Variants in FANCE observed in about 807,000 individuals in gnomAD.
FANCE encodes the protein FA complementation group E.
A neutral mutation model predicts 57.8 loss-of-function variants in FANCE; 42 were observed. The ratio of observed to expected loss-of-function variants is 0.73; its 90% CI spans 0.57 to 0.94. FANCE has a LOEUF of 0.94. Ranked by LOEUF, FANCE falls within the 40% of genes least tolerant of loss-of-function variation. The pLI, the probability that FANCE is intolerant of heterozygous loss-of-function variation, is 0.00. For missense variants in FANCE, 608 were observed against 661.8 expected, an observed-to-expected ratio of 0.92 and a Z score of 0.89; for synonymous variants, 251 against 286.4, an observed-to-expected ratio of 0.88 and a Z score of 1.25.
intron 4 of FANCE, 120 bp downstream of exon 4, chr6:35,458,104 C>G (rs1393814663): frequency 2.4e-6 from 3 of 1,247,690 alleles, no homozygotes; most frequent in Non-Finnish European, 3.5e-6. Flanking sequence ...GTTGTTTTCT[C>G]TCTCAGCGAT....
intron 5 of FANCE, among the ~76,000 whole-genome samples, chr6:35,458,724 C>A (rs1017093893): frequency 2.0e-5 from 3 of 151,796 alleles, no homozygotes; most frequent in Admixed American, 2.0e-4. Context: ...GCCTCAGCCT[C>A]CTGAGTAGCT....
At chr6:35,463,596 T>C (rs947668412) in intron 9 of FANCE, among the ~76,000 whole-genome samples, 1 of 151,332 alleles carries the variant, frequency 6.6e-6, no homozygotes, top group Non-Finnish European at 1.5e-5. Context: ...GCAAAGGGCA[T>C]TTGGTGGCAA....
chr6:35,462,747 A>T (rs1339318933), intron 8 of FANCE, 42 bp from the exon 9 acceptor site: 6 of 1,613,408 alleles, frequency 3.7e-6, no homozygotes, highest in Non-Finnish European at 5.1e-6. Context: ...GAAGAGCCCA[A>T]GCCTTTCTTG....
intron 1 of FANCE, 115 bp from the exon 2 acceptor site, chr6:35,455,632 A>G: frequency 7.9e-7 from 1 of 1,272,542 alleles, no homozygotes; most frequent in Non-Finnish European, 1.1e-6. Flanking sequence ...ACTCTTGCAG[A>G]TACTGCGTGC....
intron 1 of FANCE, among the ~76,000 whole-genome samples, chr6:35,454,206 C>T (rs1218879888): frequency 2.0e-5 from 3 of 151,992 alleles, no homozygotes; most frequent in Non-Finnish European, 4.4e-5. Context: ...GGACTACAGG[C>T]GCGTGCCAAC....
At chr6:35,463,784 C>T (rs2150902801) in intron 9 of FANCE, among the ~76,000 whole-genome samples, 1 of 151,960 alleles carries the variant, frequency 6.6e-6, no homozygotes, top group South Asian at 2.1e-4. Context: ...GCCTCAGCCT[C>T]CCGAGTAGCT....
chr6:35,452,819 G>A (rs1240152446), intron 1 of FANCE, 26 bp downstream of exon 1: 3 of 1,300,126 alleles, frequency 2.3e-6, no homozygotes, highest in Non-Finnish European at 2.9e-6. Context: ...CGGCCCCTTA[G>A]CAGGTATGGG....
At position 35,459,693 on chromosome 6, in the gene FANCE, A is replaced by C; in HGVS notation, c.1249A>C (p.Thr417Pro). ...TGTCCTCTACCCAGGTCCTGCTCAA[A>C]CAGAGTTACTGTGTTGCCTTGTGAA... ...LQAPGTGPAQ[T>P]ELLCCLVKME... The change falls in exon 7 of 10, where the codon ACA (threonine) becomes CCA (proline). Residue 417 changes from threonine to proline, a missense_variant. Thr to Pro is a conservative substitution (Grantham distance 38). Coordinates refer to ENST00000229769, the MANE Select transcript of FANCE (RefSeq NM_021922.3). 9 of 1,614,008 alleles carry C rather than the reference A, an allele frequency of 5.6e-6. No individual in the cohort carries two copies. Among genetic ancestry groups the C allele is most frequent in the Non-Finnish European group, 7.6e-6 (9 of 1,179,966 alleles).
rs45556833 is a variant in FANCE, at chr6:35,460,104, C to T, written c.1316+344C>T. 2.3e-3 allele frequency among the ~76,000 whole-genome samples: 309 copies of T among 134,706 alleles called. 2 individuals carry two copies. The highest frequency in any genetic ancestry group is 8.5e-3 in the African/African-American group (295 of 34,698). The allele number at this position is 134,706 out of a possible 152,430, so 88.4% of individuals were successfully genotyped here. ...CCAGCATCAAGAAGGCTCTGACTACCCATTTTTTTTTGGCGGGGGGTGGGG... is the reference window on the plus strand; with the variant it reads ...CCAGCATCAAGAAGGCTCTGACTACTCATTTTTTTTTGGCGGGGGGTGGGG... On this transcript the variant is annotated intron_variant, in intron 7 of 9. Transcript: ENST00000229769.
At chr6:35,457,644 C>T in intron 3 of FANCE, 44 bp downstream of exon 3, 1 of 1,602,832 alleles carries the variant, frequency 6.2e-7, no homozygotes, top group Non-Finnish European at 8.5e-7. Flanking sequence ...CTTCCATCTT[C>T]TACCCAGACC....
intron 1 of FANCE, among the ~76,000 whole-genome samples, chr6:35,455,512 T>C (rs1425834852): frequency 6.6e-6 from 1 of 152,160 alleles, no homozygotes; most frequent in Non-Finnish European, 1.5e-5. Context: ...AGTTTCACCA[T>C]GTTGGCCATG....
At position 35,453,576 on chromosome 6, in the gene FANCE, T is replaced by TGG. The variant is rs572398170; in HGVS notation, c.248+786_248+787dup. Reference sequence around the variant, plus strand: ...GTGAGGTGCCATGTTCAGCTCCTAGTGGGGCCAGCCTTCCACTCCTCTTGG... The same window carrying TGG: ...GTGAGGTGCCATGTTCAGCTCCTAGTGGGGGGCCAGCCTTCCACTCCTCTTGG... On this transcript the variant is annotated intron_variant, in intron 1 of 9. Coordinates refer to ENST00000229769, the MANE Select transcript of FANCE (RefSeq NM_021922.3). 4.4e-4 allele frequency among the ~76,000 whole-genome samples: 67 copies of TGG among 152,352 alleles called. 1 individual carries two copies. The East Asian group carries it at 0.011, about 24-fold the overall frequency.
At position 35,457,565 on chromosome 6, in the gene FANCE, C is replaced by T; in HGVS notation, c.865C>T (p.Pro289Ser). 1 of 1,613,886 alleles carries T rather than the reference C, an allele frequency of 6.2e-7. No individual in the cohort carries two copies. Among genetic ancestry groups the T allele is most frequent in the Non-Finnish European group, 8.5e-7 (1 of 1,180,022 alleles). ...GGGCTCTCCTCCACAGGACCAGCTT[C>T]CCAGGCTGCAGCAGCTGCTGAAGAC... ...ELPKAIQDQLPRLQQLLKTLE... is the reference protein window; with the variant it reads ...ELPKAIQDQLSRLQQLLKTLE... Residue 289 changes from proline (P) to serine (S), a missense_variant, in exon 3 of 10, where the codon CCC (proline) becomes TCC (serine). Transcript: ENST00000229769.
chr6:35,459,304 T>C (rs1441013825), intron 5 of FANCE, 27 bp from the exon 6 acceptor site: 1 of 1,613,638 alleles, frequency 6.2e-7, no homozygotes, highest in Non-Finnish European at 8.5e-7. Flanking sequence ...AGAAAATAAT[T>C]AATTTTTTCC....
At chr6:35,464,384 C>T (rs1369187206) in intron 9 of FANCE, among the ~76,000 whole-genome samples, 5 of 151,556 alleles carry the variant, frequency 3.3e-5, no homozygotes, top group South Asian at 2.1e-4. Flanking sequence ...ACTACAGGCG[C>T]GCGCCACCAT....
Position 35,456,756 on chromosome 6 carries a change from C to T in FANCE, c.855+403C>T, listed in dbSNP as rs533272551. The stretch of plus-strand genomic sequence containing the variant: ...CTTGAACTCCTGACCTCAGGTGATC[C>T]GCCCACCTTGGCCTCCAAAGTGTTG... On this transcript the variant is annotated intron_variant, in intron 2 of 9. Coordinates refer to ENST00000229769, the MANE Select transcript of FANCE (RefSeq NM_021922.3). The surrounding 1 kb of genome is among the most constrained non-coding windows in gnomAD (Gnocchi z 4.3). Among the ~76,000 whole-genome samples the T allele has an allele frequency of 2.2e-4, 34 of 152,086 alleles. No homozygotes were observed. The highest frequency in any genetic ancestry group is 6.7e-4 in the African/African-American group (28 of 41,494).
intron 8 of FANCE, 69 bp downstream of exon 8, chr6:35,460,687 T>A: frequency 3.5e-6 from 5 of 1,444,594 alleles, no homozygotes; most frequent in Non-Finnish European, 4.9e-6. Flanking sequence ...ACGGGGTTCC[T>A]GGGTTTCTGA....
rs1767140174 is a variant in FANCE at position 35,452,466 on chromosome 6, C to T, written c.-80C>T. The T allele has an allele frequency of 8.4e-7, 1 of 1,190,590 alleles. No individual in the cohort carries two copies. Among genetic ancestry groups the T allele is most frequent in the Non-Finnish European group, 1.0e-6 (1 of 956,198 alleles). The allele number at this position is 1,190,590 out of a possible 1,614,324, so 73.8% of individuals were successfully genotyped here. A position where few individuals can be genotyped will look rare whatever the true frequency, so the allele number is the denominator to read the frequency against. On this transcript the variant is annotated 5_prime_UTR_variant, in exon 1 of 10. Coordinates refer to ENST00000229769, the MANE Select transcript of FANCE (RefSeq NM_021922.3). ...CGCCACCGCCGCGTCAGGGACGGCG[C>T]TGGAGTCCTCCGTTCCCCTCAGCCT...
At chr6:35,459,552 G>T in intron 6 of FANCE, 98 bp downstream of exon 6, 1 of 1,593,438 alleles carries the variant, frequency 6.3e-7, no homozygotes. Flanking sequence ...GGTATTCAGT[G>T]ATTAAAGATG....
Sources: allele counts gnomAD v4.1 joint callset (sites outside exome capture counted in the v4.1 genomes callset), GRCh38; gene constraint gnomAD v4.1.1; non-coding constraint Gnocchi (gnomAD v3.1); transcripts MANE v1.5; gene names NCBI Gene and HGNC (gene_info 2026-07-23, HGNC 2026-07-21).